The following PPP6R1 variants were observed in gnomAD, a reference collection of about 807,000 sequenced individuals.
PPP6R1 encodes the protein serine/threonine-protein phosphatase 6 regulatory subunit 1.
In PPP6R1, 39 loss-of-function variants were observed where a neutral mutation model predicts 104.6. The ratio of observed to expected loss-of-function variants is 0.37; its 90% CI spans 0.29 to 0.49. PPP6R1 has a LOEUF of 0.49. Among genes scored for constraint, PPP6R1 ranks in the 20% least tolerant of loss-of-function variants. The probability of loss-of-function intolerance (pLI) is 0.98; values close to 1 mark genes in which losing one functional copy is unlikely to be tolerated. For missense variants in PPP6R1, 1,181 were observed against 1,155.8 expected, an observed-to-expected ratio of 1.02 and a Z score of -0.32; for synonymous variants, 549 against 479.0, an observed-to-expected ratio of 1.15 and a Z score of -1.91.
chr19:55,231,079 T>TC, intron 21 of PPP6R1, 195 bp from the exon 22 acceptor site: 2 of 619,058 alleles, frequency 3.2e-6, no homozygotes, highest in Non-Finnish European at 2.8e-6. Context: ...CAAGCACCCC[T>TC]CTTCCCGCCT....
chr19:55,240,819 G>A, intron 10 of PPP6R1, 126 bp downstream of exon 10: 1 of 1,338,342 alleles, frequency 7.5e-7, no homozygotes, highest in Non-Finnish European at 1.0e-6. Context: ...ACCCCATCTG[G>A]GCGCTGGCAC....
intron 10 of PPP6R1, 146 bp from the exon 11 acceptor site, chr19:55,240,446 G>A (rs1354806144): frequency 5.0e-6 from 4 of 805,882 alleles, no homozygotes; most frequent in Non-Finnish European, 7.9e-6. Flanking sequence ...AGGGATGCAA[G>A]CTGGGGCTTG....
intron 1 of PPP6R1, among the ~76,000 whole-genome samples, chr19:55,256,048 T>C (rs2087590681): frequency 6.6e-6 from 1 of 152,126 alleles, no homozygotes; most frequent in Non-Finnish European, 1.5e-5. Flanking sequence ...AGAAAGGTGT[T>C]CTGTTAAGAG....
At position 55,232,947 on chromosome 19, in the gene PPP6R1, G is replaced by A. The variant is rs143359686; in HGVS notation, c.1989-736C>T. The A allele has an allele frequency of 3.8e-3, 572 of 152,314 alleles. 3 individuals carry two copies. The highest frequency in any genetic ancestry group is 0.019 in the South Asian group (90 of 4,826). 9.4% of individuals were successfully genotyped at this position (152,314 alleles called of 1,614,324 possible). A position where few individuals can be genotyped will look rare whatever the true frequency, so the allele number is the denominator to read the frequency against. ...CACTTACACACACCTGGATGGTGGC[G>A]CCTCCTGTACACCTAGGCTCTGTGG... On this transcript the variant is annotated intron_variant, in intron 17 of 23. Coordinates refer to ENST00000412770, the MANE Select transcript of PPP6R1 (RefSeq NM_014931.4).
chr19:55,251,921 C>A (rs531468544), intron 1 of PPP6R1, among the ~76,000 whole-genome samples: 1 of 152,106 alleles, frequency 6.6e-6, no homozygotes, highest in South Asian at 2.1e-4. Flanking sequence ...AGCAAAGCAC[C>A]GAGACGTGGC....
intron 17 of PPP6R1, 73 bp downstream of exon 17, chr19:55,236,570 A>C: frequency 7.0e-7 from 1 of 1,423,402 alleles, no homozygotes; most frequent in Non-Finnish European, 9.2e-7. Flanking sequence ...CCTCAGTCCA[A>C]ATGTGTTGGG....
chr19:55,249,169 C>T lies in PPP6R1; in HGVS notation c.-6-2060G>A, dbSNP rs912809381. The stretch of plus-strand genomic sequence containing the variant: ...GCCTCCAGGCATTTGAACCCCTGCT[C>T]CTCTGGGGGGCCTGCCAGGTCCCAG... On this transcript the variant is annotated intron_variant, in intron 1 of 23. Coordinates refer to ENST00000412770, the MANE Select transcript of PPP6R1 (RefSeq NM_014931.4). Among the ~76,000 whole-genome samples the T allele has an allele frequency of 2.6e-5, 4 of 152,292 alleles. No homozygotes were observed. The East Asian group carries it at 7.8e-4, about 30-fold the overall frequency.
At chr19:55,252,002 C>T (rs1368025991) in intron 1 of PPP6R1, among the ~76,000 whole-genome samples, 1 of 152,108 alleles carries the variant, frequency 6.6e-6, no homozygotes, top group Non-Finnish European at 1.5e-5. Flanking sequence ...GCCATGCCAG[C>T]AAAGCCAGTC....
intron 15 of PPP6R1, among the ~76,000 whole-genome samples, chr19:55,237,796 T>C (rs952920296): frequency 1.3e-5 from 2 of 152,214 alleles, no homozygotes; most frequent in Non-Finnish European, 2.9e-5. Flanking sequence ...CATGTCCCCG[T>C]GGCACTGGCA....
rs887106594 is a variant in PPP6R1 at position 55,258,430 on chromosome 19, C to A, written c.-7+5G>T. The A allele has an allele frequency of 2.0e-5, 3 of 151,192 alleles. No homozygotes were observed. The highest frequency in any genetic ancestry group is 4.4e-5 in the Non-Finnish European group (3 of 67,606). The allele number at this position is 151,192 out of a possible 1,614,324, so 9.4% of individuals were successfully genotyped here. A position where few individuals can be genotyped will look rare whatever the true frequency, so the allele number is the denominator to read the frequency against. On this transcript the variant is annotated splice_donor_5th_base_variant and intron_variant, in intron 1 of 23. Transcript: ENST00000412770. ...AGAGAGGGTCGGGCGACGCGGGCCG[C>A]TCACCTGCGAGGGGGGGCGGCGGCT... is the stretch of plus-strand genomic sequence containing the variant.
chr19:55,234,430 C>T (rs141505789), intron 17 of PPP6R1, among the ~76,000 whole-genome samples: 2 of 152,302 alleles, frequency 1.3e-5, no homozygotes, highest in African/African-American at 4.8e-5. Flanking sequence ...ACAGTGTCTT[C>T]AACAACTGGT....
intron 17 of PPP6R1, chr19:55,236,431 C>T: frequency 1.7e-6 from 1 of 577,416 alleles, no homozygotes. Context: ...ACTGGGATTA[C>T]AGGCACTCAG....
chr19:55,241,742 G>C lies in PPP6R1; in HGVS notation c.846-103C>G. On this transcript the variant is annotated intron_variant, in intron 7 of 23. Transcript: ENST00000412770. This position sits in a 1 kb window ranked among gnomAD's most constrained non-coding sequence, Gnocchi z 5.4. ...GTCTGCAGGGTCTGGAGGAAAACGA[G>C]GAGCCACATGCCCCCAGCGCCGCTC... The C allele has an allele frequency of 1.5e-6, 2 of 1,331,486 alleles. No homozygotes were observed. Among genetic ancestry groups the C allele is most frequent in the Non-Finnish European group, 2.0e-6 (2 of 991,854 alleles). 82.5% of individuals were successfully genotyped at this position (1,331,486 alleles called of 1,614,324 possible). A position where few individuals can be genotyped will look rare whatever the true frequency, so the allele number is the denominator to read the frequency against.
At chr19:55,235,409 G>A (rs12709948) in intron 17 of PPP6R1, among the ~76,000 whole-genome samples, 100,291 of 151,930 alleles carry the variant, frequency 0.66, 33,371 homozygotes, top group East Asian at 0.82. Flanking sequence ...ACAGGGAGGC[G>A]GGAAGAGAGA....
At chr19:55,243,845 G>T (rs1371700861) in intron 5 of PPP6R1, among the ~76,000 whole-genome samples, 1 of 152,060 alleles carries the variant, frequency 6.6e-6, no homozygotes, top group Non-Finnish European at 1.5e-5. Flanking sequence ...TAGCGACAAC[G>T]TCTTGCTATG....
At position 55,241,163 on chromosome 19, in the gene PPP6R1, CCCAGCCCCCGAACCCTCAGCCCAGT is replaced by C; in HGVS notation, c.1161+51_1161+75del. The stretch of plus-strand genomic sequence containing the variant: ...CCTGAGCCCCCAGCCGAGCCCCCAC[CCCAGCCCCCGAACCCTCAGCCCAGT>C]CCAGTCCCCGCCCCAGCCCCTGAAC... On this transcript the variant is annotated intron_variant, in intron 9 of 23. Transcript: ENST00000412770. This position sits in a 1 kb window ranked among gnomAD's most constrained non-coding sequence, Gnocchi z 5.4. The C allele has an allele frequency of 1.3e-6, 2 of 1,495,048 alleles. No individual in the cohort carries two copies. The highest frequency in any genetic ancestry group is 1.8e-6 in the Non-Finnish European group (2 of 1,122,020). The allele number at this position is 1,495,048 out of a possible 1,614,324, so 92.6% of individuals were successfully genotyped here.
At position 55,236,688 on chromosome 19, in the gene PPP6R1, C is replaced by G. The variant is rs774683621; in HGVS notation, c.1943G>C (p.Ser648Thr). 3 of 1,606,142 alleles carry G rather than the reference C, an allele frequency of 1.9e-6. No individual in the cohort carries two copies. The East Asian group carries it at 6.7e-5, about 36-fold the overall frequency. Residue 648 changes from serine (S) to threonine (T), a missense_variant, in exon 17 of 24, where the codon AGC becomes ACC. Ser to Thr is a moderately conservative substitution (Grantham distance 58). This residue lies in a region of PPP6R1 where 1,042 missense variants were observed against 955.6 expected (regional missense o/e 1.09). Transcript: ENST00000412770. ...SDGEDGAWQG[S>T]QLARGARLGQ... ...CAGACGGGCCCCCCTGGCCAGCTGGCTGCCCTGCCAGGCGCCATCTTCTCC... is the reference window on the plus strand; with the variant it reads ...CAGACGGGCCCCCCTGGCCAGCTGGGTGCCCTGCCAGGCGCCATCTTCTCC...
intron 14 of PPP6R1, 35 bp downstream of exon 14, chr19:55,239,559 T>C (rs1271888877): frequency 6.2e-7 from 1 of 1,609,750 alleles, no homozygotes; most frequent in South Asian, 1.1e-5. Context: ...CACTCCAGCA[T>C]AGCCCAGCAC....
chr19:55,245,728 A>AG lies in PPP6R1; in HGVS notation c.228-51dup, dbSNP rs1247332699. On this transcript the variant is annotated intron_variant, in intron 2 of 23. Coordinates refer to ENST00000412770, the MANE Select transcript of PPP6R1 (RefSeq NM_014931.4). The surrounding 1 kb of genome is among the most constrained non-coding windows in gnomAD (Gnocchi z 6.4). ...GGGGCTCGGGTCGGAGGCCGGGGGC[A>AG]GGGGGCGGCAAGGCTCCACCCTCTT... is the stretch of plus-strand genomic sequence containing the variant. 1.5e-6 allele frequency: 1 copy of AG among 677,436 alleles called. No homozygotes were observed. 42.0% of individuals were successfully genotyped at this position (677,436 alleles called of 1,614,324 possible).
Sources: allele counts gnomAD v4.1 joint callset (sites outside exome capture counted in the v4.1 genomes callset), GRCh38; gene constraint gnomAD v4.1.1; regional missense constraint gnomAD v4.1.1; non-coding constraint Gnocchi (gnomAD v3.1); transcripts MANE v1.5; gene names NCBI Gene and HGNC (gene_info 2026-07-23, HGNC 2026-07-21).